The following PAX5 variants were observed in gnomAD, a reference collection of about 807,000 sequenced individuals.
PAX5 encodes the protein paired box 5, also known as paired box protein Pax-5.
In PAX5, 9 loss-of-function variants were observed where a neutral mutation model predicts 43.7. That is an observed-to-expected ratio of 0.21 (90% CI 0.12 to 0.36). The LOEUF (loss-of-function observed/expected upper bound fraction) is 0.36, where lower values mean the gene tolerates loss of function less well. Among genes scored for constraint, PAX5 ranks in the 10% least tolerant of loss-of-function variants. The pLI is 1.00. For missense variants in PAX5, 383 were observed against 532.7 expected (o/e 0.72, Z 2.77); for synonymous variants, 228 against 214.3 (o/e 1.06, Z -0.56).
At chr9:36,915,696 T>C in intron 7 of PAX5, among the ~76,000 whole-genome samples, 1 of 152,212 alleles carries the variant, frequency 6.6e-6, no homozygotes, top group Non-Finnish European at 1.5e-5. Flanking sequence ...AAGATTTAAA[T>C]GTTTAATACT....
chr9:36,891,115 G>A (rs1014174594), intron 7 of PAX5, among the ~76,000 whole-genome samples: 36 of 152,078 alleles, frequency 2.4e-4, no homozygotes, highest in African/African-American at 7.7e-4. Flanking sequence ...CTCCGGCCTG[G>A]GCGACAGAGC....
chr9:36,839,015 T>C lies in PAX5; in HGVS notation c.*1545A>G, dbSNP rs1032810722. ...AGAAGGCCAAGCCCCCTCTCATCAC[T>C]GTCATTCAGCCCAGGTTTGGACAAG... is the stretch of plus-strand genomic sequence containing the variant. On this transcript the variant is annotated 3_prime_UTR_variant, in exon 10 of 10. Coordinates refer to ENST00000358127, the MANE Select transcript of PAX5 (RefSeq NM_016734.3). 4.3e-6 allele frequency: 1 copy of C among 233,336 alleles called. No homozygotes were observed. The highest frequency in any genetic ancestry group is 5.6e-5 in the Admixed American group (1 of 17,804). 14.5% of individuals were successfully genotyped at this position (233,336 alleles called of 1,614,324 possible). A position where few individuals can be genotyped will look rare whatever the true frequency, so the allele number is the denominator to read the frequency against.
chr9:36,988,557 G>A (rs767348756), intron 5 of PAX5, among the ~76,000 whole-genome samples: 24 of 151,578 alleles, frequency 1.6e-4, no homozygotes, highest in Non-Finnish European at 2.6e-4. Flanking sequence ...CAGCTACTCA[G>A]GAGGCTGAAG....
At chr9:36,941,914 A>C (rs971452609) in intron 6 of PAX5, among the ~76,000 whole-genome samples, 8 of 152,238 alleles carry the variant, frequency 5.3e-5, no homozygotes, top group African/African-American at 1.4e-4. Context: ...CTTTCCAATC[A>C]CATAGCTAGT....
intron 6 of PAX5, among the ~76,000 whole-genome samples, chr9:36,927,557 G>T (rs1830743507): frequency 6.6e-6 from 1 of 152,166 alleles, no homozygotes; most frequent in African/African-American, 2.4e-5. Flanking sequence ...TGTTATACAT[G>T]CAGCGGGAGG....
chr9:36,961,249 C>CT (rs1320136855), intron 6 of PAX5, among the ~76,000 whole-genome samples: 2 of 152,232 alleles, frequency 1.3e-5, no homozygotes, highest in African/African-American at 4.8e-5. Context: ...GGTGCCACCA[C>CT]TGAGGGGGCA....
chr9:37,033,999 C>T lies in PAX5; in HGVS notation c.33G>A (p.Arg11=), dbSNP rs774585112. 29 of 1,611,406 alleles carry T rather than the reference C, an allele frequency of 1.8e-5. No homozygotes were observed. The East Asian group carries it at 6.5e-4, about 36-fold the overall frequency. Residue 11 remains arginine, a synonymous_variant, in exon 1 of 10, where the codon CGG becomes CGA. Transcript: ENST00000358127. MDLEKNYPTP[R]TSRTGHGGVN... ...TCGCGGTCCTACCTGTCCTGCTGGT[C>T]CGAGGAGTCGGATAATTTTTCTCTA...
intron 7 of PAX5, 84 bp downstream of exon 7, chr9:36,923,271 A>C: frequency 6.6e-7 from 1 of 1,516,398 alleles, no homozygotes; most frequent in Non-Finnish European, 8.9e-7. Flanking sequence ...ACATCCAAAC[A>C]CACCAAGAAG....
intron 6 of PAX5, among the ~76,000 whole-genome samples, chr9:36,940,593 G>T (rs1280151672): frequency 6.6e-6 from 1 of 152,090 alleles, no homozygotes; most frequent in Non-Finnish European, 1.5e-5. Flanking sequence ...TGGAGGAGGA[G>T]GTCAGGTCTC....
intron 6 of PAX5, among the ~76,000 whole-genome samples, chr9:36,961,838 A>G (rs756830977): frequency 1.6e-4 from 25 of 152,240 alleles, no homozygotes; most frequent in Non-Finnish European, 2.9e-4. Flanking sequence ...ACGTGCACGC[A>G]CACACACTCG....
chr9:36,996,327 G>A (rs143022266), intron 5 of PAX5, among the ~76,000 whole-genome samples: 1 of 152,350 alleles, frequency 6.6e-6, no homozygotes, highest in African/African-American at 2.4e-5. Flanking sequence ...CAAGGCTTGC[G>A]TCAACTCTAT....
At position 36,850,884 on chromosome 9, in the gene PAX5, G is replaced by T. The variant is rs536162573; in HGVS notation, c.1013-3955C>A. 3.5e-4 allele frequency among the ~76,000 whole-genome samples: 53 copies of T among 152,266 alleles called. No individual in the cohort carries two copies. The South Asian group carries it at 0.011, about 32-fold the overall frequency. The stretch of plus-strand genomic sequence containing the variant: ...CATTCCCCCAGGAGCAAGCAGTCCC[G>T]GGGAGAAAACAGGACTGGACCCAAA... On this transcript the variant is annotated intron_variant, in intron 8 of 9. Transcript: ENST00000358127.
rs113711527 is a variant in PAX5, at chr9:36,936,137, C to T, written c.781-12653G>A. Among the ~76,000 whole-genome samples, 1,505 of 152,342 alleles carry T rather than the reference C, an allele frequency of 9.9e-3. 20 individuals carry two copies. The highest frequency in any genetic ancestry group is 0.035 in the African/African-American group (1,474 of 41,570). On this transcript the variant is annotated intron_variant, in intron 6 of 9. Coordinates refer to ENST00000358127, the MANE Select transcript of PAX5 (RefSeq NM_016734.3). Reference sequence around the variant, plus strand: ...GCAAGCTCACAGGTCTTCCCAAATACGTGGACAGAAAGGTTATCCTGACAA... The same window carrying T: ...GCAAGCTCACAGGTCTTCCCAAATATGTGGACAGAAAGGTTATCCTGACAA...
intron 1 of PAX5, among the ~76,000 whole-genome samples, chr9:37,025,438 G>C (rs1256798894): frequency 1.3e-5 from 2 of 152,104 alleles, no homozygotes; most frequent in Non-Finnish European, 2.9e-5. Context: ...GGAGCGGGGT[G>C]GGAGGACCAG....
intron 5 of PAX5, among the ~76,000 whole-genome samples, chr9:36,980,047 T>C (rs1045905991): frequency 6.6e-6 from 1 of 152,242 alleles, no homozygotes; most frequent in Non-Finnish European, 1.5e-5. Context: ...TGAACTCCTA[T>C]CGACAGAGAA....
chr9:36,860,932 C>T (rs1316725239), intron 8 of PAX5: 1 of 152,222 alleles, frequency 6.6e-6, no homozygotes, highest in Non-Finnish European at 1.5e-5. Flanking sequence ...TGATGAAGAC[C>T]CATTTTTTTC....
At chr9:37,011,881 G>A (rs933567637) in intron 3 of PAX5, among the ~76,000 whole-genome samples, 4 of 152,230 alleles carry the variant, frequency 2.6e-5, no homozygotes, top group Non-Finnish European at 4.4e-5. Context: ...AGGGCTGGGA[G>A]AGATGTGGAC....
At chr9:36,988,883 A>G (rs1358328932) in intron 5 of PAX5, among the ~76,000 whole-genome samples, 1 of 152,248 alleles carries the variant, frequency 6.6e-6, no homozygotes, top group Non-Finnish European at 1.5e-5. Context: ...ATTACCAGAA[A>G]AGGCAGGAAT....
chr9:36,873,104 G>A (rs901135578), intron 8 of PAX5, among the ~76,000 whole-genome samples: 6 of 152,196 alleles, frequency 3.9e-5, no homozygotes, highest in Non-Finnish European at 7.3e-5. Flanking sequence ...CAGCTCAAAT[G>A]ACCTCCTTTG....
Sources: allele counts gnomAD v4.1 joint callset (sites outside exome capture counted in the v4.1 genomes callset), GRCh38; gene constraint gnomAD v4.1.1; transcripts MANE v1.5; gene names NCBI Gene and HGNC (gene_info 2026-07-23, HGNC 2026-07-21).